The following LRRC4C variants were observed in gnomAD, a reference collection of about 807,000 sequenced individuals.
LRRC4C encodes leucine rich repeat containing 4C.
In LRRC4C, 5 loss-of-function variants were observed where a neutral mutation model predicts 33.6. The ratio of observed to expected loss-of-function variants is 0.15; its 90% CI spans 0.08 to 0.31. The LOEUF is 0.31. Among genes scored for constraint, LRRC4C ranks in the 10% least tolerant of loss-of-function variants. LRRC4C has a pLI of 1.00. For missense variants in LRRC4C, 560 were observed against 796.7 expected (o/e 0.70, Z 3.58); for synonymous variants, 329 against 302.0 (o/e 1.09, Z -0.93).
intron 1 of LRRC4C, among the ~76,000 whole-genome samples, chr11:41,442,458 C>CT (rs775679545): frequency 0.018 from 1,540 of 84,088 alleles, 185 homozygotes; most frequent in African/African-American, 0.039. Flanking sequence ...TTGCTTTTTT[C>CT]TTTTTTTTTT....
intron 3 of LRRC4C, among the ~76,000 whole-genome samples, chr11:40,324,682 A>T (rs1029824415): frequency 6.6e-6 from 1 of 152,244 alleles, no homozygotes; most frequent in Non-Finnish European, 1.5e-5. Context: ...AATTCTTGAG[A>T]AACATTTATT....
chr11:40,142,291 A>C (rs1348158332), intron 5 of LRRC4C, among the ~76,000 whole-genome samples: 8 of 151,806 alleles, frequency 5.3e-5, no homozygotes, highest in South Asian at 4.2e-4. Context: ...AAAAAAAAAA[A>C]AAAAAAAAAA....
At chr11:41,292,896 C>A (rs1950031446) in intron 1 of LRRC4C, among the ~76,000 whole-genome samples, 1 of 152,052 alleles carries the variant, frequency 6.6e-6, no homozygotes, top group Non-Finnish European at 1.5e-5. Flanking sequence ...TGTGAGTTGG[C>A]AATTTCTAAT....
At chr11:41,179,935 T>C (rs2136146938) in intron 1 of LRRC4C, among the ~76,000 whole-genome samples, 1 of 152,260 alleles carries the variant, frequency 6.6e-6, no homozygotes, top group Middle Eastern at 3.4e-3. Flanking sequence ...AGTAAACAAT[T>C]ACATTAATCA....
intron 1 of LRRC4C, among the ~76,000 whole-genome samples, chr11:41,441,648 T>C (rs938078431): frequency 2.7e-5 from 4 of 148,630 alleles, no homozygotes; most frequent in Non-Finnish European, 4.4e-5. Context: ...GTAACTGGCA[T>C]GTCTCTTCCT....
rs56945447 is a variant in LRRC4C at position 40,925,123 on chromosome 11, TTC to T, written c.-407+8510_-407+8511del. Among the ~76,000 whole-genome samples the T allele has an allele frequency of 4.2e-4, 62 of 149,310 alleles. 1 individual carries two copies. Among genetic ancestry groups the T allele is most frequent in the Middle Eastern group, 3.4e-3 (1 of 290 alleles). ...AGCGGGAGGAGCCATCCCCAAATAT[TTC>T]TCTCTCTCTCTCTCTCTCTCTTTCC... On this transcript the variant is annotated intron_variant, in intron 2 of 6. Transcript: ENST00000528697.
At chr11:41,230,071 A>G (rs1294040113) in intron 1 of LRRC4C, among the ~76,000 whole-genome samples, 3 of 152,002 alleles carry the variant, frequency 2.0e-5, no homozygotes, top group African/African-American at 4.8e-5. Context: ...CTGACAAGCA[A>G]AAGTTGTTTT....
intron 1 of LRRC4C, among the ~76,000 whole-genome samples, chr11:41,146,649 C>T (rs1943739189): frequency 1.3e-5 from 2 of 152,318 alleles, no homozygotes; most frequent in Non-Finnish European, 2.9e-5. Flanking sequence ...ACCCTCCTTC[C>T]TCCCGCCTGC....
At chr11:40,831,813 A>G (rs1446165535) in intron 2 of LRRC4C, among the ~76,000 whole-genome samples, 1 of 152,068 alleles carries the variant, frequency 6.6e-6, no homozygotes, top group Non-Finnish European at 1.5e-5. Context: ...CTATCACAAG[A>G]ACAGCATGGG....
chr11:40,644,592 A>G (rs1942326025), intron 3 of LRRC4C, among the ~76,000 whole-genome samples: 1 of 152,248 alleles, frequency 6.6e-6, no homozygotes, highest in African/African-American at 2.4e-5. Context: ...CTCAATAGAA[A>G]AAAATGAACT....
rs916949165 is a variant in LRRC4C at position 40,358,050 on chromosome 11, G to A, written c.-269-38329C>T. Among the ~76,000 whole-genome samples the A allele has an allele frequency of 2.0e-5, 3 of 152,044 alleles. No homozygotes were observed. The East Asian group carries it at 5.8e-4, about 30-fold the overall frequency. ...ATACAAAAATTAGCCAGGCATAGTGGCACATGCCTGTAGTTCCAGCTACTT... is the reference window on the plus strand; with the variant it reads ...ATACAAAAATTAGCCAGGCATAGTGACACATGCCTGTAGTTCCAGCTACTT... On this transcript the variant is annotated intron_variant, in intron 3 of 6. Coordinates refer to ENST00000528697, the MANE Select transcript of LRRC4C (RefSeq NM_001258419.2).
chr11:40,391,143 G>A (rs1053881284), intron 3 of LRRC4C, among the ~76,000 whole-genome samples: 1 of 152,114 alleles, frequency 6.6e-6, no homozygotes, highest in Admixed American at 6.6e-5. Context: ...CTCCCAAAGT[G>A]CTAGGATTAC....
At chr11:40,646,932 A>G (rs529579676) in intron 3 of LRRC4C, among the ~76,000 whole-genome samples, 48 of 152,190 alleles carry the variant, frequency 3.2e-4, no homozygotes, top group African/African-American at 1.1e-3. Flanking sequence ...TTTGGTTGAT[A>G]TTTCTATTGA....
intron 3 of LRRC4C, among the ~76,000 whole-genome samples, chr11:40,543,484 A>T (rs1956802927): frequency 6.6e-6 from 1 of 152,102 alleles, no homozygotes; most frequent in African/African-American, 2.4e-5. Context: ...CCATGCACAC[A>T]GACCCTCAGA....
intron 3 of LRRC4C, among the ~76,000 whole-genome samples, chr11:40,552,445 T>C (rs988680263): frequency 5.9e-5 from 9 of 152,100 alleles, no homozygotes; most frequent in Admixed American, 5.9e-4. Context: ...AATAAATAAG[T>C]CTTTGATGGA....
In LRRC4C at chr11:40,504,217, A is replaced by T. The variant is rs1447693204; in HGVS notation, c.-270+143925T>A. ...TTGTAAAATATAAATTTAAGTGAAC[A>T]ATTAATGGATAAATGAATGAATGTA... is the stretch of plus-strand genomic sequence containing the variant. On this transcript the variant is annotated intron_variant, in intron 3 of 6. Coordinates refer to ENST00000528697, the MANE Select transcript of LRRC4C (RefSeq NM_001258419.2). 2.0e-5 allele frequency among the ~76,000 whole-genome samples: 3 copies of T among 152,228 alleles called. No homozygotes were observed. In the East Asian group the frequency reaches 5.8e-4, roughly 29 times the overall value.
chr11:41,174,505 G>C (rs1945111802), intron 1 of LRRC4C, among the ~76,000 whole-genome samples: 1 of 151,766 alleles, frequency 6.6e-6, no homozygotes, highest in African/African-American at 2.4e-5. Flanking sequence ...GTCATATTTT[G>C]GACTCCCCAA....
intron 1 of LRRC4C, among the ~76,000 whole-genome samples, chr11:40,934,579 T>G (rs1374288243): frequency 6.6e-6 from 1 of 151,428 alleles, no homozygotes; most frequent in Admixed American, 6.6e-5. Context: ...ATTAAAACAC[T>G]TTTTTTTTCA....
At position 40,662,620 on chromosome 11, in the gene LRRC4C, G is replaced by C. The variant is rs574767280; in HGVS notation, c.-406-14342C>G. Reference sequence around the variant, plus strand: ...AAATTCAGTTCTGATCCTTTTAAAGGGAGGGGCCCAGGGAAGGGACATCTC... The same window carrying C: ...AAATTCAGTTCTGATCCTTTTAAAGCGAGGGGCCCAGGGAAGGGACATCTC... On this transcript the variant is annotated intron_variant, in intron 2 of 6. Transcript: ENST00000528697. Among the ~76,000 whole-genome samples the C allele has an allele frequency of 2.3e-4, 35 of 152,340 alleles. No homozygotes were observed. The South Asian group carries it at 6.2e-3, about 27-fold the overall frequency.
Sources: allele counts gnomAD v4.1 joint callset (sites outside exome capture counted in the v4.1 genomes callset), GRCh38; gene constraint gnomAD v4.1.1; transcripts MANE v1.5; gene names NCBI Gene and HGNC (gene_info 2026-07-23, HGNC 2026-07-21).